The following CNTN5 variants were observed in gnomAD, a reference collection of about 807,000 sequenced individuals.
CNTN5 encodes contactin-5.
Under a neutral mutation model 129.1 loss-of-function variants are expected in CNTN5, and 77 were observed. The ratio of observed to expected loss-of-function variants is 0.60; its 90% confidence interval spans 0.50 to 0.72. The LOEUF is 0.72. Among genes scored for constraint, CNTN5 ranks in the 30% least tolerant of loss-of-function variants. The probability of loss-of-function intolerance (pLI) is 0.00; values close to 1 mark genes in which losing one functional copy is unlikely to be tolerated. For missense variants in CNTN5, 1,478 were observed against 1,328.8 expected, an observed-to-expected ratio of 1.11 and a Z score of -1.75; for synonymous variants, 509 against 465.6, an observed-to-expected ratio of 1.09 and a Z score of -1.20.
intron 3 of CNTN5, among the ~76,000 whole-genome samples, chr11:99,599,406 T>G (rs973519582): frequency 6.6e-6 from 1 of 152,166 alleles, no homozygotes; most frequent in African/African-American, 2.4e-5. Flanking sequence ...TATTGATTTG[T>G]GTATTATTTT....
intron 1 of CNTN5, among the ~76,000 whole-genome samples, chr11:99,188,401 C>G (rs1425749742): frequency 6.6e-6 from 1 of 151,710 alleles, no homozygotes; most frequent in Non-Finnish European, 1.5e-5. Context: ...CGAGAATGTC[C>G]CTTTCATCAC....
chr11:100,120,903 C>T (rs978874078), intron 13 of CNTN5, among the ~76,000 whole-genome samples: 6 of 151,470 alleles, frequency 4.0e-5, no homozygotes, highest in African/African-American at 9.7e-5. Context: ...ATAAGTAATT[C>T]GATAGACTAT....
chr11:99,819,823 T>A, intron 4 of CNTN5, 58 bp downstream of exon 4: 1 of 1,086,096 alleles, frequency 9.2e-7, no homozygotes, highest in South Asian at 1.3e-5. Flanking sequence ...AAGACTTATT[T>A]AATACTGTTG....
At chr11:100,283,105 G>A (rs1001257652) in intron 18 of CNTN5, among the ~76,000 whole-genome samples, 2 of 151,820 alleles carry the variant, frequency 1.3e-5, no homozygotes, top group Admixed American at 6.6e-5. Flanking sequence ...GGTACCTAAG[G>A]TTCAAGACAA....
intron 13 of CNTN5, among the ~76,000 whole-genome samples, chr11:100,145,000 A>G (rs1047044222): frequency 1.3e-5 from 2 of 152,056 alleles, no homozygotes; most frequent in African/African-American, 4.8e-5. Flanking sequence ...CCGACTTCAC[A>G]TAATAAATTA....
chr11:99,375,215 A>C (rs1205300663), intron 2 of CNTN5, among the ~76,000 whole-genome samples: 1 of 145,054 alleles, frequency 6.9e-6, no homozygotes, highest in Non-Finnish European at 1.5e-5. Flanking sequence ...AGGCACGAGA[A>C]TTGCTTGAAT....
At chr11:99,908,647 T>C (rs938984872) in intron 6 of CNTN5, among the ~76,000 whole-genome samples, 4 of 152,084 alleles carry the variant, frequency 2.6e-5, no homozygotes, top group African/African-American at 7.2e-5. Context: ...CACACTGATA[T>C]ACAACTTTTT....
intron 6 of CNTN5, among the ~76,000 whole-genome samples, chr11:99,897,733 G>A (rs758261944): frequency 2.6e-4 from 40 of 151,678 alleles, no homozygotes; most frequent in African/African-American, 5.6e-4. Context: ...AAGCAACTGC[G>A]TAATTAAAAC....
intron 3 of CNTN5, among the ~76,000 whole-genome samples, chr11:99,607,596 T>G (rs1950462784): frequency 8.4e-6 from 1 of 118,440 alleles, no homozygotes. Flanking sequence ...ATCCCATTAC[T>G]GGGTATATAC....
intron 9 of CNTN5, among the ~76,000 whole-genome samples, chr11:100,041,523 G>C (rs1479752986): frequency 6.6e-6 from 1 of 152,092 alleles, no homozygotes; most frequent in Middle Eastern, 3.2e-3. Context: ...CTTGTTCCTT[G>C]GCAAGGCTGC....
chr11:99,650,680 TG>T (rs1258286193), intron 3 of CNTN5, among the ~76,000 whole-genome samples: 1 of 151,952 alleles, frequency 6.6e-6, no homozygotes, highest in East Asian at 1.9e-4. Flanking sequence ...GGAAGTACAC[TG>T]GCAATCTCTT....
rs1565623358 is a variant in CNTN5 at position 99,869,693 on chromosome 11, T to C, written c.577+24431T>C. Among the ~76,000 whole-genome samples, 3 of 152,226 alleles carry C rather than the reference T, an allele frequency of 2.0e-5. No homozygotes were observed. The East Asian group carries it at 5.8e-4, about 29-fold the overall frequency. ...TCTGACAGGCCAAAATATGAAGAAT[T>C]GTTAATATATGATCAATTGATCTGG... On this transcript the variant is annotated intron_variant, in intron 6 of 24. Coordinates refer to ENST00000524871, the MANE Select transcript of CNTN5 (RefSeq NM_014361.4).
intron 3 of CNTN5, among the ~76,000 whole-genome samples, chr11:99,790,170 C>T (rs1310956189): frequency 1.3e-5 from 2 of 151,988 alleles, no homozygotes; most frequent in African/African-American, 4.8e-5. Context: ...ACATGTGCCA[C>T]ATTTTCTTTT....
intron 1 of CNTN5, among the ~76,000 whole-genome samples, chr11:99,223,328 A>C (rs928595370): frequency 2.6e-4 from 40 of 152,302 alleles, no homozygotes; most frequent in African/African-American, 9.6e-4. Flanking sequence ...AAAACAGTTC[A>C]ATAAATGATG....
intron 9 of CNTN5, among the ~76,000 whole-genome samples, chr11:100,034,773 T>G (rs1941894281): frequency 6.6e-6 from 1 of 152,210 alleles, no homozygotes; most frequent in Admixed American, 6.5e-5. Context: ...AGAAAAAGTT[T>G]GATGACCCCT....
intron 2 of CNTN5, among the ~76,000 whole-genome samples, chr11:99,425,546 A>G (rs1943082019): frequency 6.6e-6 from 1 of 152,158 alleles, no homozygotes; most frequent in Non-Finnish European, 1.5e-5. Context: ...GCATAACAGC[A>G]CCACCCCAAA....
At chr11:99,917,049 T>A (rs1342357227) in intron 7 of CNTN5, among the ~76,000 whole-genome samples, 1 of 152,140 alleles carries the variant, frequency 6.6e-6, no homozygotes, top group Non-Finnish European at 1.5e-5. Flanking sequence ...CATATTTTTT[T>A]AATAACAAAA....
intron 13 of CNTN5, among the ~76,000 whole-genome samples, chr11:100,136,273 T>C (rs1425737156): frequency 6.6e-6 from 1 of 152,052 alleles, no homozygotes; most frequent in African/African-American, 2.4e-5. Flanking sequence ...TTCTGTTCAA[T>C]ATAAATGGAA....
chr11:99,880,913 A>G (rs1357674549), intron 6 of CNTN5, among the ~76,000 whole-genome samples: 17 of 152,170 alleles, frequency 1.1e-4, no homozygotes, highest in Admixed American at 1.1e-3. Context: ...ATTTAAAAAA[A>G]TTGTCTCTCT....
Sources: allele counts gnomAD v4.1 joint callset (sites outside exome capture counted in the v4.1 genomes callset), GRCh38; gene constraint gnomAD v4.1.1; transcripts MANE v1.5; gene names NCBI Gene and HGNC (gene_info 2026-07-23, HGNC 2026-07-21).